Variants in KDM4C observed in about 807,000 individuals in gnomAD.
The protein encoded by KDM4C is lysine demethylase 4C.
In KDM4C, 81 loss-of-function variants were observed where a neutral mutation model predicts 129.3. That is an observed-to-expected ratio of 0.63 (90% CI 0.52 to 0.75). The LOEUF (loss-of-function observed/expected upper bound fraction) is 0.75. Among genes scored for constraint, KDM4C ranks in the 30% least tolerant of loss-of-function variants. The pLI, the probability that KDM4C is intolerant of heterozygous loss-of-function variation, is 0.00. For missense variants in KDM4C, 1,457 were observed against 1,304.0 expected (o/e 1.12, Z -1.81); for synonymous variants, 573 against 456.1 (o/e 1.26, Z -3.26).
chr9:6,858,971 G>A (rs1317999596), intron 5 of KDM4C, among the ~76,000 whole-genome samples: 1 of 152,086 alleles, frequency 6.6e-6, no homozygotes, highest in African/African-American at 2.4e-5. Flanking sequence ...ATATAGGAAA[G>A]TGGCTTTTTT....
At position 6,746,810 on chromosome 9, in the gene KDM4C, C is replaced by A. The variant is rs531749176; in HGVS notation, c.49+25813C>A. ...GATCACGAGGTCAGGAGATCGAGAC[C>A]ATCCTGGCTAACACGGTGAAACCGT... On this transcript the variant is annotated intron_variant, in intron 1 of 17. Transcript: ENST00000536108. Among the ~76,000 whole-genome samples, 758 of 148,970 alleles carry A rather than the reference C, an allele frequency of 5.1e-3. 2 individuals are homozygous for A. The highest frequency in any genetic ancestry group is 7.8e-3 in the Non-Finnish European group (525 of 67,102).
intron 10 of KDM4C, among the ~76,000 whole-genome samples, chr9:6,985,134 C>G (rs534126602): frequency 2.0e-5 from 3 of 152,344 alleles, no homozygotes; most frequent in South Asian, 4.1e-4. Flanking sequence ...GCCTGGATGA[C>G]TGCAGCAATT....
At chr9:6,900,212 A>T (rs560569058) in intron 8 of KDM4C, among the ~76,000 whole-genome samples, 1 of 152,194 alleles carries the variant, frequency 6.6e-6, no homozygotes, top group East Asian at 1.9e-4. Context: ...CTTACGTTGA[A>T]TTGGAGGGAG....
chr9:6,960,368 C>G (rs1829824070), intron 8 of KDM4C, among the ~76,000 whole-genome samples: 1 of 151,374 alleles, frequency 6.6e-6, no homozygotes, highest in Admixed American at 6.6e-5. Context: ...CAGCCTGGAC[C>G]TCCTGGGCTC....
At chr9:6,860,052 A>T (rs1023405254) in intron 5 of KDM4C, among the ~76,000 whole-genome samples, 2 of 152,186 alleles carry the variant, frequency 1.3e-5, no homozygotes, top group Non-Finnish European at 2.9e-5. Flanking sequence ...TACACCATCA[A>T]CTTTCTTTTA....
At chr9:7,033,567 A>T (rs1452388258) in intron 15 of KDM4C, among the ~76,000 whole-genome samples, 4 of 152,212 alleles carry the variant, frequency 2.6e-5, no homozygotes, top group African/African-American at 9.6e-5. Context: ...TATGATGTGG[A>T]AGCCGTCCTG....
intron 18 of KDM4C, among the ~76,000 whole-genome samples, chr9:7,108,002 C>T (rs1328064214): frequency 6.6e-6 from 1 of 152,110 alleles, no homozygotes; most frequent in Non-Finnish European, 1.5e-5. Context: ...TATTGAGCAT[C>T]TTTTATGTCA....
rs1321174782 is a variant in KDM4C at position 6,990,581 on chromosome 9, C to G, written c.1786+57C>G. On this transcript the variant is annotated intron_variant, in intron 12 of 21. Coordinates refer to ENST00000381309, the MANE Select transcript of KDM4C (RefSeq NM_015061.6). ...TTTTTTTTTTGGTGTGTAAAACAAA[C>G]TATTGTAAAAAAAATTGCTGAATAG... The G allele has an allele frequency of 2.6e-6, 3 of 1,163,068 alleles. No homozygotes were observed. The East Asian group carries it at 7.7e-5, about 30-fold the overall frequency. 72.0% of individuals were successfully genotyped at this position (1,163,068 alleles called of 1,614,324 possible).
chr9:6,864,220 T>C lies in KDM4C; in HGVS notation c.629+14520T>C, dbSNP rs533948672. The stretch of plus-strand genomic sequence containing the variant: ...GGCAAATTCTCTCAGCTTTCATTTA[T>C]CTGGGAAGGACTTTATCACTCCTTT... On this transcript the variant is annotated intron_variant, in intron 5 of 21. Transcript: ENST00000381309. Among the ~76,000 whole-genome samples the C allele has an allele frequency of 2.0e-4, 30 of 152,294 alleles. No homozygotes were observed. The South Asian group carries it at 2.1e-3, about 11-fold the overall frequency.
At chr9:7,105,292 C>G in intron 18 of KDM4C, 1 of 358,974 alleles carries the variant, frequency 2.8e-6, no homozygotes, top group Admixed American at 3.3e-5. Context: ...GGTGTTCACA[C>G]TTAGATTCTG....
intron 15 of KDM4C, among the ~76,000 whole-genome samples, chr9:7,035,262 C>T (rs891579992): frequency 8.7e-5 from 13 of 150,054 alleles, no homozygotes; most frequent in African/African-American, 3.2e-4. Context: ...GATCCTCCCG[C>T]CTTGGCCTCT....
chr9:6,739,651 G>A (rs1241874390), intron 1 of KDM4C, among the ~76,000 whole-genome samples: 3 of 92,844 alleles, frequency 3.2e-5, no homozygotes, highest in African/African-American at 4.0e-5. Flanking sequence ...TTTTTTTTTT[G>A]CAAGTTAGAG....
chr9:6,799,170 G>T (rs1316026848), intron 2 of KDM4C, among the ~76,000 whole-genome samples: 1 of 152,168 alleles, frequency 6.6e-6, no homozygotes, highest in Non-Finnish European at 1.5e-5. Flanking sequence ...GGTGGCGGCC[G>T]GGCAGAGGCT....
intron 5 of KDM4C, among the ~76,000 whole-genome samples, chr9:6,866,929 A>G (rs189037526): frequency 6.8e-6 from 1 of 146,656 alleles, no homozygotes; most frequent in African/African-American, 2.5e-5. Flanking sequence ...ATATAGAAAA[A>G]TGTATGTAAA....
At chr9:6,735,373 C>G (rs560848019) in intron 1 of KDM4C, among the ~76,000 whole-genome samples, 1 of 152,212 alleles carries the variant, frequency 6.6e-6, no homozygotes, top group East Asian at 1.9e-4. Flanking sequence ...CCAATTAAAT[C>G]TCTCAGCTTT....
At chr9:6,959,970 T>G (rs1829754676) in intron 8 of KDM4C, among the ~76,000 whole-genome samples, 1 of 152,022 alleles carries the variant, frequency 6.6e-6, no homozygotes, top group South Asian at 2.1e-4. Context: ...AACAACTGTG[T>G]AGCCCGTATG....
intron 4 of KDM4C, among the ~76,000 whole-genome samples, chr9:6,845,845 CAG>C (rs1381962276): frequency 6.6e-6 from 1 of 152,210 alleles, no homozygotes; most frequent in African/African-American, 2.4e-5. Context: ...TCGAGGGAGA[CAG>C]AATCCAGGAG....
chr9:6,855,415 C>G (rs1839624054), intron 5 of KDM4C, among the ~76,000 whole-genome samples: 1 of 131,068 alleles, frequency 7.6e-6, no homozygotes, highest in Non-Finnish European at 1.5e-5. Context: ...GCCGAGATTG[C>G]GTCACTGCAC....
chr9:6,759,489 A>G (rs1818953262), intron 1 of KDM4C, among the ~76,000 whole-genome samples: 1 of 152,170 alleles, frequency 6.6e-6, no homozygotes, highest in African/African-American at 2.4e-5. Context: ...TTGTTTTGGA[A>G]CGGATTACAC....
Sources: gnomAD v4.1 joint callset for allele counts (sites outside exome capture counted in the v4.1 genomes callset) on GRCh38, gnomAD v4.1.1 for gene constraint, MANE v1.5 for transcripts, NCBI Gene and HGNC (gene_info 2026-07-23, HGNC 2026-07-21) for gene names.